MCF2L: variants seen among roughly 807,000 people sequenced by gnomAD.
MCF2L encodes guanine nucleotide exchange factor DBS.
In MCF2L, 97 loss-of-function variants were observed where a neutral mutation model predicts 153.4. The ratio of observed to expected loss-of-function variants is 0.63; its 90% CI spans 0.54 to 0.75. The LOEUF (loss-of-function observed/expected upper bound fraction) is 0.75. MCF2L is among the 30% of genes least tolerant of loss of function. The probability of loss-of-function intolerance (pLI) is 0.00; values close to 1 mark genes in which losing one functional copy is unlikely to be tolerated. For synonymous variants in MCF2L, 659 were observed against 632.2 expected (o/e 1.04, Z -0.64); for missense variants, 1,347 against 1,495.2 (o/e 0.90, Z 1.64).
intron 3 of MCF2L, 51 bp downstream of exon 3, chr13:113,024,809 G>C (rs775097508): frequency 4.3e-5 from 62 of 1,443,924 alleles, no homozygotes; most frequent in Non-Finnish European, 5.6e-5. Flanking sequence ...CAGAGTCCCT[G>C]TGAGATTTCA....
intron 4 of MCF2L, among the ~76,000 whole-genome samples, chr13:113,056,619 G>A (rs2029880067): frequency 6.7e-6 from 1 of 148,604 alleles, no homozygotes; most frequent in African/African-American, 2.5e-5. Flanking sequence ...CTGAGTGAGT[G>A]CTGAGTGTTT....
At chr13:113,039,524 GACACGGAAAGCC>G (rs2086352139) in intron 3 of MCF2L, among the ~76,000 whole-genome samples, 1 of 152,124 alleles carries the variant, frequency 6.6e-6, no homozygotes, top group Non-Finnish European at 1.5e-5. Flanking sequence ...TGAAGAGATC[GACACGGAAAGCC>G]ACAGTGTGGA....
At position 113,027,132 on chromosome 13, in the gene MCF2L, A is replaced by G; in HGVS notation, c.278+2374A>G. ...AACACAGAGGAGATGTTTAACCATC[A>G]GCGTGAAAGTGCAGCCGTGGCCATT... is the stretch of plus-strand genomic sequence containing the variant. On this transcript the variant is annotated intron_variant, in intron 3 of 29. Transcript: ENST00000535094. The surrounding 1 kb of genome is among the most constrained non-coding windows in gnomAD (Gnocchi z 4.8). The G allele has an allele frequency of 1.4e-6, 1 of 705,298 alleles. No individual in the cohort carries two copies. The highest frequency in any genetic ancestry group is 2.6e-6 in the Non-Finnish European group (1 of 386,252). The allele number at this position is 705,298 out of a possible 1,614,324, so 43.7% of individuals were successfully genotyped here. A position where few individuals can be genotyped will look rare whatever the true frequency, so the allele number is the denominator to read the frequency against.
At chr13:112,973,871 G>A (rs890067373) in intron 1 of MCF2L, among the ~76,000 whole-genome samples, 2 of 152,152 alleles carry the variant, frequency 1.3e-5, no homozygotes, top group East Asian at 1.9e-4. Flanking sequence ...GGTGTGTTCC[G>A]AGTTTCATGG....
At chr13:113,040,037 G>A (rs1472410281) in intron 3 of MCF2L, among the ~76,000 whole-genome samples, 5 of 152,180 alleles carry the variant, frequency 3.3e-5, no homozygotes, top group East Asian at 1.9e-4. Flanking sequence ...CATCATATAT[G>A]TATACCATAA....
At chr13:113,017,918 G>A (rs1157615442) in intron 2 of MCF2L, among the ~76,000 whole-genome samples, 9 of 152,316 alleles carry the variant, frequency 5.9e-5, no homozygotes, top group Middle Eastern at 6.8e-3. Context: ...GAATGGCTCC[G>A]AATTTTCCTT....
At chr13:113,056,022 G>A (rs946356801) in intron 4 of MCF2L, among the ~76,000 whole-genome samples, 1 of 152,162 alleles carries the variant, frequency 6.6e-6, no homozygotes, top group East Asian at 1.9e-4. Flanking sequence ...CAAGTGTGCC[G>A]GCCACTGAGG....
chr13:113,031,603 C>A lies in MCF2L; in HGVS notation c.278+6845C>A. ...GGAGAATGCGGGGTGGAGGGAGGAG[C>A]TGGGAGATGGGGAGGAGGGCGGCGG... On this transcript the variant is annotated intron_variant, in intron 3 of 29. Coordinates refer to ENST00000535094, the MANE Select transcript of MCF2L (RefSeq NM_001112732.3). This position sits in a 1 kb window ranked among gnomAD's most constrained non-coding sequence, Gnocchi z 5.5. Among the ~76,000 whole-genome samples, 1 of 151,444 alleles carries A rather than the reference C, an allele frequency of 6.6e-6. No homozygotes were observed. The highest frequency in any genetic ancestry group is 1.5e-5 in the Non-Finnish European group (1 of 67,960).
rs554508265 is a variant in MCF2L, at chr13:113,074,024, G to A, written c.997-420G>A. On this transcript the variant is annotated intron_variant, in intron 9 of 29. Coordinates refer to ENST00000535094, the MANE Select transcript of MCF2L (RefSeq NM_001112732.3). The surrounding 1 kb of genome is among the most constrained non-coding windows in gnomAD (Gnocchi z 4.2). ...TAGAAGTTAGTAGCAAGCTAGAAGG[G>A]ACTGAGTTACATAACTCTCCACACC... Among the ~76,000 whole-genome samples, 1 of 152,330 alleles carries A rather than the reference G, an allele frequency of 6.6e-6. No homozygotes were observed. Among genetic ancestry groups the A allele is most frequent in the Non-Finnish European group, 1.5e-5 (1 of 68,028 alleles).
At chr13:112,948,226 C>T (rs1335653595) in intron 2 of MCF2L, among the ~76,000 whole-genome samples, 3 of 152,196 alleles carry the variant, frequency 2.0e-5, no homozygotes, top group Non-Finnish European at 4.4e-5. Context: ...ACCAGGCTTC[C>T]TTCAATCCAT....
At position 113,053,040 on chromosome 13, in the gene MCF2L, A is replaced by G. The variant is rs4907580; in HGVS notation, c.370-7553A>G. Reference sequence around the variant, plus strand: ...ACACACATCACATAAACACAGACACACACACACATTTTGCTGGTGAGAGCC... The same window carrying G: ...ACACACATCACATAAACACAGACACGCACACACATTTTGCTGGTGAGAGCC... On this transcript the variant is annotated intron_variant, in intron 4 of 29. Coordinates refer to ENST00000535094, the MANE Select transcript of MCF2L (RefSeq NM_001112732.3). The surrounding 1 kb of genome is among the most constrained non-coding windows in gnomAD (Gnocchi z 4.4). Among the ~76,000 whole-genome samples the G allele has an allele frequency of 0.34, 51,115 of 151,978 alleles. 8,807 individuals are homozygous for G. The highest frequency in any genetic ancestry group is 0.41 in the Middle Eastern group (122 of 294).
intron 27 of MCF2L, 35 bp downstream of exon 27, chr13:113,094,670 G>A: frequency 1.3e-6 from 2 of 1,595,506 alleles, no homozygotes; most frequent in Non-Finnish European, 1.7e-6. Context: ...CTTGGGGTGG[G>A]GGCTGCCCTC....
chr13:113,010,643 CG>C (rs2084031382), intron 1 of MCF2L, among the ~76,000 whole-genome samples: 1 of 152,208 alleles, frequency 6.6e-6, no homozygotes, highest in South Asian at 2.1e-4. Flanking sequence ...TGCCTCTGCC[CG>C]CGTGGCAGGG....
At chr13:112,896,223 G>A (rs2081066336) in intron 1 of MCF2L, among the ~76,000 whole-genome samples, 1 of 152,192 alleles carries the variant, frequency 6.6e-6, no homozygotes, top group South Asian at 2.1e-4. Context: ...TGAAAGGTCT[G>A]TGTGCAGCTT....
chr13:112,996,033 C>G (rs1179986671), intron 1 of MCF2L, among the ~76,000 whole-genome samples: 1 of 152,172 alleles, frequency 6.6e-6, no homozygotes, highest in Non-Finnish European at 1.5e-5. Context: ...CCACATAGTC[C>G]CGAGTTCCCC....
In MCF2L at chr13:113,077,204, C is replaced by T; in HGVS notation, c.1653C>T (p.Pro551=). 1.3e-6 allele frequency: 2 copies of T among 1,575,216 alleles called. No homozygotes were observed. The highest frequency in any genetic ancestry group is 1.1e-5 in the South Asian group (1 of 87,230). The change falls in exon 13 of 30, where the codon CCC becomes CCT. Residue 551 remains proline, a synonymous_variant. Transcript: ENST00000535094. ...AGGCACTGGCAAAGTCGCCCTGCCC[C>T]TCCCCAGGTCTGTGTGGCCGCCCGG... is the stretch of plus-strand genomic sequence containing the variant. ...RPEALAKSPC[P]SPGIRRGSEN...
intron 4 of MCF2L, among the ~76,000 whole-genome samples, chr13:113,055,692 G>A (rs943747182): frequency 6.6e-6 from 1 of 152,186 alleles, no homozygotes; most frequent in Non-Finnish European, 1.5e-5. Context: ...CTGCCCAGGC[G>A]CCTCGTCCAC....
chr13:113,032,523 C>T (rs1161881841), intron 3 of MCF2L, among the ~76,000 whole-genome samples: 2 of 152,094 alleles, frequency 1.3e-5, no homozygotes, highest in Admixed American at 6.5e-5. Context: ...TGTGTCGTGG[C>T]GCCCTTCTAC....
intron 1 of MCF2L, chr13:113,001,922 C>T: frequency 6.3e-7 from 1 of 1,594,040 alleles, no homozygotes; most frequent in Non-Finnish European, 8.5e-7. Context: ...TGACGGTGCG[C>T]CGGCTGTCAC....
Sources: allele counts gnomAD v4.1 joint callset (sites outside exome capture counted in the v4.1 genomes callset), GRCh38; gene constraint gnomAD v4.1.1; non-coding constraint Gnocchi (gnomAD v3.1); transcripts MANE v1.5; gene names NCBI Gene and HGNC (gene_info 2026-07-23, HGNC 2026-07-21).